Variants in ANO3 observed in about 807,000 individuals in gnomAD.
ANO3 encodes anoctamin-3.
ANO3 carries 99 observed loss-of-function variants against 144.8 expected under a neutral mutation model. The observed-to-expected ratio is 0.68, with a 90% CI of 0.58 to 0.81. The LOEUF (loss-of-function observed/expected upper bound fraction) is 0.81, where lower values mean the gene tolerates loss of function less well. Among genes scored for constraint, ANO3 ranks in the 30% least tolerant of loss-of-function variants. The pLI, the probability that ANO3 is intolerant of heterozygous loss-of-function variation, is 0.00. For missense variants in ANO3, 905 were observed against 1,202.2 expected (o/e 0.75, Z 3.66); for synonymous variants, 414 against 392.6 (o/e 1.05, Z -0.64).
intron 20 of ANO3, among the ~76,000 whole-genome samples, chr11:26,635,475 A>T (rs949270592): frequency 3.9e-5 from 6 of 152,096 alleles, no homozygotes; most frequent in African/African-American, 1.4e-4. Flanking sequence ...TAAGACTCAT[A>T]TTTCTTTATT....
chr11:26,222,274 C>T (rs1318861433), intron 1 of ANO3, among the ~76,000 whole-genome samples: 1 of 152,276 alleles, frequency 6.6e-6, no homozygotes, highest in Non-Finnish European at 1.5e-5. Context: ...TTTCCCTGGA[C>T]TCCATATACC....
chr11:26,354,424 T>G (rs1855724199), intron 1 of ANO3, among the ~76,000 whole-genome samples: 1 of 152,176 alleles, frequency 6.6e-6, no homozygotes, highest in Admixed American at 6.5e-5. Flanking sequence ...TCCAAGCACA[T>G]CAATTTGTAT....
At chr11:26,314,989 G>A (rs527464261) in intron 1 of ANO3, among the ~76,000 whole-genome samples, 9 of 151,964 alleles carry the variant, frequency 5.9e-5, no homozygotes, top group Non-Finnish European at 1.3e-4. Flanking sequence ...AAGTTATATT[G>A]TTATTGCTGG....
At chr11:26,421,899 A>G (rs942581230) in intron 1 of ANO3, among the ~76,000 whole-genome samples, 3 of 152,112 alleles carry the variant, frequency 2.0e-5, no homozygotes, top group African/African-American at 7.2e-5. Context: ...CTAAATGATG[A>G]GAACACATCA....
At chr11:26,452,000 A>G (rs372884773) in intron 3 of ANO3, among the ~76,000 whole-genome samples, 6,959 of 152,166 alleles carry the variant, frequency 0.046, 180 homozygotes, top group African/African-American at 0.059. Flanking sequence ...CCTCTAGCAA[A>G]CTCCAACAGA....
Position 26,661,099 on chromosome 11 carries a change from T to C in ANO3, c.*655T>C, listed in dbSNP as rs962302981. On this transcript the variant is annotated 3_prime_UTR_variant, in exon 27 of 27. Transcript: ENST00000256737. ...ATCTAAGATTCCAAAAAGAACAGCA[T>C]TCATTGAAATAATATTCCATTGCAT... The C allele has an allele frequency of 5.2e-5, 8 of 152,596 alleles. No individual in the cohort carries two copies. Among genetic ancestry groups the C allele is most frequent in the African/African-American group, 1.7e-4 (7 of 41,454 alleles). 9.5% of individuals were successfully genotyped at this position (152,596 alleles called of 1,614,324 possible).
chr11:26,435,645 G>T (rs1273942411), intron 1 of ANO3, among the ~76,000 whole-genome samples: 3 of 152,052 alleles, frequency 2.0e-5, no homozygotes, highest in Non-Finnish European at 4.4e-5. Context: ...TAAGTCTTCA[G>T]GTTCTGACAT....
At chr11:26,208,330 T>C (rs1310913436) in intron 1 of ANO3, 4 of 152,116 alleles carry the variant, frequency 2.6e-5, no homozygotes, top group Non-Finnish European at 4.4e-5. Context: ...GCTAACACTG[T>C]GACACCCCAT....
intron 1 of ANO3, among the ~76,000 whole-genome samples, chr11:26,276,036 G>C (rs1417698086): frequency 6.6e-6 from 1 of 152,106 alleles, no homozygotes; most frequent in Non-Finnish European, 1.5e-5. Context: ...ACTAGAGTTA[G>C]CGGCCAAATA....
chr11:26,570,430 G>C (rs2063278), intron 14 of ANO3, among the ~76,000 whole-genome samples: 1 of 151,800 alleles, frequency 6.6e-6, no homozygotes, highest in African/African-American at 2.4e-5. Context: ...TGTTGAAATC[G>C]TGGGTCATAC....
chr11:26,594,463 A>T (rs1002030602), intron 14 of ANO3, among the ~76,000 whole-genome samples: 2 of 152,326 alleles, frequency 1.3e-5, no homozygotes, highest in Middle Eastern at 3.4e-3. Context: ...CTTGTAAAAC[A>T]TCAATATAGC....
chr11:26,579,044 T>A (rs1256821751), intron 14 of ANO3, among the ~76,000 whole-genome samples: 1 of 152,244 alleles, frequency 6.6e-6, no homozygotes, highest in African/African-American at 2.4e-5. Flanking sequence ...AACTATCAAC[T>A]ATTTTTACAT....
chr11:26,549,900 T>G (rs980457589), intron 12 of ANO3, among the ~76,000 whole-genome samples: 1 of 151,924 alleles, frequency 6.6e-6, no homozygotes, highest in Admixed American at 6.6e-5. Context: ...GACCAGATTT[T>G]TAAAAGTCGT....
At chr11:26,436,193 C>A (rs1159412651) in intron 1 of ANO3, among the ~76,000 whole-genome samples, 3 of 152,158 alleles carry the variant, frequency 2.0e-5, no homozygotes, top group Non-Finnish European at 4.4e-5. Context: ...TGCTGAGGGA[C>A]CAGACCAGCC....
At chr11:26,632,570 A>G (rs1852820325) in intron 18 of ANO3, among the ~76,000 whole-genome samples, 1 of 145,672 alleles carries the variant, frequency 6.9e-6, no homozygotes, top group African/African-American at 2.5e-5. Flanking sequence ...AAATATATAA[A>G]AAATATACGT....
chr11:26,344,368 C>CT (rs10683178), intron 1 of ANO3, among the ~76,000 whole-genome samples: 127,831 of 137,952 alleles, frequency 0.93, 59,825 homozygotes, highest in East Asian at 0.99. Context: ...AAAATATTGT[C>CT]TTTTTTTTTT....
intron 1 of ANO3, among the ~76,000 whole-genome samples, chr11:26,316,152 A>G (rs949028075): frequency 1.3e-5 from 2 of 152,196 alleles, no homozygotes; most frequent in South Asian, 2.1e-4. Context: ...CCTTAATGCA[A>G]TGGGGCTCTT....
At chr11:26,636,466 G>A (rs775478010) in intron 20 of ANO3, among the ~76,000 whole-genome samples, 1 of 151,998 alleles carries the variant, frequency 6.6e-6, no homozygotes, top group African/African-American at 2.4e-5. Context: ...ATTTATTGAG[G>A]GCTTACTACA....
At chr11:26,256,417 A>G (rs1853057389) in intron 1 of ANO3, among the ~76,000 whole-genome samples, 1 of 152,180 alleles carries the variant, frequency 6.6e-6, no homozygotes, top group Non-Finnish European at 1.5e-5. Flanking sequence ...GCTTAAATAT[A>G]TAATAATTTT....
Sources: gnomAD v4.1 joint callset for allele counts (sites outside exome capture counted in the v4.1 genomes callset) on GRCh38, gnomAD v4.1.1 for gene constraint, MANE v1.5 for transcripts, NCBI Gene and HGNC (gene_info 2026-07-23, HGNC 2026-07-21) for gene names.